DMBT1: variants seen among roughly 807,000 people sequenced by gnomAD.
The protein encoded by DMBT1 is scavenger receptor cysteine-rich domain-containing protein DMBT1.
DMBT1 carries 198 observed loss-of-function variants against 252.9 expected under a neutral mutation model. That is an observed-to-expected ratio of 0.78 (90% CI 0.70 to 0.88). DMBT1 has a LOEUF of 0.88. DMBT1 is among the 40% of genes least tolerant of loss of function. The pLI is 0.00. For missense variants in DMBT1, 2,432 were observed against 2,404.7 expected, an observed-to-expected ratio of 1.01 and a Z score of -0.24; for synonymous variants, 990 against 942.7, an observed-to-expected ratio of 1.05 and a Z score of -0.92.
At chr10:122,631,578 G>A (rs1399905878) in intron 49 of DMBT1, among the ~76,000 whole-genome samples, 3 of 152,188 alleles carry the variant, frequency 2.0e-5, no homozygotes, top group Non-Finnish European at 2.9e-5. Context: ...ACTTGCTACT[G>A]GTGACAATTG....
chr10:122,578,779 C>G lies in DMBT1; in HGVS notation c.679+20C>G. The G allele has an allele frequency of 6.3e-7, 1 of 1,595,082 alleles. No individual in the cohort carries two copies. Among genetic ancestry groups the G allele is most frequent in the African/African-American group, 1.3e-5 (1 of 74,744 alleles). On this transcript the variant is annotated intron_variant, in intron 9 of 55. Coordinates refer to ENST00000338354, the MANE Select transcript of DMBT1 (RefSeq NM_001377530.1). ...CAGAAGGTAAAGAATCCTCTCAACA[C>G]TCCCTGGGGCTCACTTTCTACCTCT...
intron 2 of DMBT1, among the ~76,000 whole-genome samples, chr10:122,566,728 A>T (rs115186030): frequency 0.036 from 5,474 of 152,294 alleles, 336 homozygotes; most frequent in African/African-American, 0.12. Context: ...ATATATTTTT[A>T]AAAAATACTT....
In DMBT1 at chr10:122,572,350, C is replaced by T; in HGVS notation, c.224C>T (p.Thr75Ile). Residue 75 changes from threonine (T) to isoleucine (I), a missense_variant, in exon 5 of 56, where the codon ACC becomes ATC. By Grantham distance (89) the Thr-to-Ile change is moderately conservative. Transcript: ENST00000338354. ...PISLESTLES[T>I]VAEGSLIPSE... is the part of the protein sequence containing the mutation. Reference sequence around the variant, plus strand: ...TCCTTGGAGTCAACCCTGGAGTCAACCGTAGCAGAAGGTAACGTCTACTAT... The same window carrying T: ...TCCTTGGAGTCAACCCTGGAGTCAATCGTAGCAGAAGGTAACGTCTACTAT... The T allele has an allele frequency of 6.2e-7, 1 of 1,613,058 alleles. No homozygotes were observed. The highest frequency in any genetic ancestry group is 8.5e-7 in the Non-Finnish European group (1 of 1,179,140).
chr10:122,631,893 C>G lies in DMBT1; in HGVS notation c.6367+18C>G. On this transcript the variant is annotated intron_variant, in intron 50 of 55. Transcript: ENST00000338354. ...GACACCTGGTAAGTCCCTCCGATTT[C>G]CATTCCACTTCCCTGGTCTCCAGGT... The G allele has an allele frequency of 3.1e-6, 5 of 1,613,462 alleles. No individual in the cohort carries two copies. Among genetic ancestry groups the G allele is most frequent in the Non-Finnish European group, 4.2e-6 (5 of 1,179,416 alleles).
chr10:122,633,548 G>A (rs1280226183), intron 52 of DMBT1, among the ~76,000 whole-genome samples: 5 of 152,206 alleles, frequency 3.3e-5, no homozygotes, highest in Non-Finnish European at 5.9e-5. Context: ...AGTTGGGGAG[G>A]GGGCACGAGA....
At position 122,634,095 on chromosome 10, in the gene DMBT1, G is replaced by A. The variant is rs7908191; in HGVS notation, c.6548+754G>A. On this transcript the variant is annotated intron_variant, in intron 52 of 55. Coordinates refer to ENST00000338354, the MANE Select transcript of DMBT1 (RefSeq NM_001377530.1). Reference sequence around the variant, plus strand: ...GAAGGTTGTGGTGAACTATGATAGCGCCAGTGCACTCCAGCTTGTGGAACA... The same window carrying A: ...GAAGGTTGTGGTGAACTATGATAGCACCAGTGCACTCCAGCTTGTGGAACA... 3.0e-3 allele frequency among the ~76,000 whole-genome samples: 456 copies of A among 152,278 alleles called. 3 individuals carry two copies. The highest frequency in any genetic ancestry group is 0.011 in the African/African-American group (446 of 41,556).
intron 17 of DMBT1, 146 bp from the exon 18 acceptor site, chr10:122,590,519 G>T (rs2133582521): frequency 9.8e-7 from 1 of 1,024,676 alleles, no homozygotes; most frequent in Admixed American, 1.8e-5. Flanking sequence ...GAGCATCTTT[G>T]TGGGGACGTG....
At chr10:122,600,759 T>C (rs1320540365) in intron 27 of DMBT1, among the ~76,000 whole-genome samples, 2 of 152,128 alleles carry the variant, frequency 1.3e-5, no homozygotes, top group Non-Finnish European at 2.9e-5. Context: ...CTCTAAGAGA[T>C]AGAAAGATAC....
rs766819018 is a variant in DMBT1, at chr10:122,586,044, T to A, written c.1460-16T>A. ...CATGATAGGGATGGATGAAGGGTTC[T>A]TGTTTTCCCCTGTAGGATCTGAATC... On this transcript the variant is annotated splice_polypyrimidine_tract_variant and intron_variant, in intron 15 of 55. Coordinates refer to ENST00000338354, the MANE Select transcript of DMBT1 (RefSeq NM_001377530.1). 1.3e-6 allele frequency: 2 copies of A among 1,588,260 alleles called. No homozygotes were observed. Among genetic ancestry groups the A allele is most frequent in the Admixed American group, 3.4e-5 (2 of 59,594 alleles).
chr10:122,566,624 A>G (rs1246431668), intron 2 of DMBT1, among the ~76,000 whole-genome samples: 1 of 152,036 alleles, frequency 6.6e-6, no homozygotes, highest in East Asian at 1.9e-4. Context: ...TTTTCTTTTC[A>G]CTAATAATGA....
intron 46 of DMBT1, among the ~76,000 whole-genome samples, chr10:122,627,191 C>G (rs1012357416): frequency 6.6e-6 from 1 of 152,152 alleles, no homozygotes; most frequent in Non-Finnish European, 1.5e-5. Context: ...CCATGTCTGC[C>G]TTTTTCATAA....
At chr10:122,572,276 GCTA>G in intron 4 of DMBT1, 35 bp from the exon 5 acceptor site, 3 of 1,612,244 alleles carry the variant, frequency 1.9e-6, no homozygotes, top group Non-Finnish European at 2.5e-6. Flanking sequence ...TCAAGCAAGG[GCTA>G]CCATCAATGA....
rs1241575624 is a variant in DMBT1 at position 122,634,484 on chromosome 10, CTCTCTT to C, written c.6548+1145_6548+1150del. Reference sequence around the variant, plus strand: ...TCTCTCTCTCTCTCTCTCTCTCTTTCTCTCTTTTTCTTTCTTTCTTTTTTTTTCCGG... The same window carrying C: ...TCTCTCTCTCTCTCTCTCTCTCTTTCTTTCTTTCTTTCTTTTTTTTTCCGG... On this transcript the variant is annotated intron_variant, in intron 52 of 55. Transcript: ENST00000338354. Among the ~76,000 whole-genome samples the C allele has an allele frequency of 2.5e-3, 222 of 88,352 alleles. 7 individuals carry two copies. The highest frequency in any genetic ancestry group is 0.014 in the African/African-American group (218 of 15,910). 58.0% of individuals were successfully genotyped at this position (88,352 alleles called of 152,430 possible). A position where few individuals can be genotyped will look rare whatever the true frequency, so the allele number is the denominator to read the frequency against.
At chr10:122,599,973 G>C in intron 26 of DMBT1, 91 bp from the exon 27 acceptor site, 1 of 1,527,476 alleles carries the variant, frequency 6.5e-7, no homozygotes, top group East Asian at 2.3e-5. Flanking sequence ...TGGACTGAGT[G>C]TCAGACTCGC....
Position 122,576,503 on chromosome 10 carries a change from A to T in DMBT1, c.388A>T (p.Ser130Cys), listed in dbSNP as rs199543705. 1.4e-5 allele frequency: 23 copies of T among 1,613,712 alleles called. 2 individuals carry two copies. Among genetic ancestry groups the T allele is most frequent in the African/African-American group, 1.3e-4 (10 of 74,934 alleles). The part of the protein sequence containing the change: ...RGSWGTVCDD[S>C]WDTNDANVVC... Reference sequence around the variant, plus strand: ...CTCCTGGGGCACCGTGTGTGATGACAGCTGGGACACCAATGATGCCAACGT... The same window carrying T: ...CTCCTGGGGCACCGTGTGTGATGACTGCTGGGACACCAATGATGCCAACGT... The change falls in exon 7 of 56, where the codon AGC becomes TGC. Residue 130 changes from serine (S) to cysteine (C), a missense_variant. Coordinates refer to ENST00000338354, the MANE Select transcript of DMBT1 (RefSeq NM_001377530.1).
intron 16 of DMBT1, among the ~76,000 whole-genome samples, chr10:122,586,807 A>C (rs968037824): frequency 2.0e-5 from 3 of 147,822 alleles, no homozygotes; most frequent in African/African-American, 7.3e-5. Context: ...GGCTGCTTGT[A>C]CTCCTGGCAG....
intron 54 of DMBT1, among the ~76,000 whole-genome samples, chr10:122,637,700 T>C (rs548117541): frequency 1.5e-4 from 23 of 152,270 alleles, no homozygotes; most frequent in Admixed American, 4.6e-4. Context: ...AAGAATGCAA[T>C]ATCTATGAAC....
intron 43 of DMBT1, 120 bp downstream of exon 43, chr10:122,620,411 GC>G: frequency 8.1e-7 from 1 of 1,233,872 alleles, no homozygotes; most frequent in Non-Finnish European, 1.2e-6. Context: ...TCCGCGAGTT[GC>G]CTGGGGAGGT....
Position 122,598,007 on chromosome 10 carries a change from C to T in DMBT1, c.2951C>T (p.Thr984Ile). The change falls in exon 25 of 56, where the codon ACA becomes ATA. Residue 984 changes from threonine to isoleucine, a missense_variant. Physicochemically the swap from Thr to Ile is moderately conservative, Grantham distance 89. Coordinates refer to ENST00000338354, the MANE Select transcript of DMBT1 (RefSeq NM_001377530.1). ...CCGACCATCACCTTGCCTGCATCGA[C>T]AGTAGGTAAATATTCCTCTCGCCCC... ...TLPTITLPAS[T>I]VGSESSLALR... 2 of 1,613,958 alleles carry T rather than the reference C, an allele frequency of 1.2e-6. No homozygotes were observed. Among genetic ancestry groups the T allele is most frequent in the Non-Finnish European group, 8.5e-7 (1 of 1,179,874 alleles).
Sources: gnomAD v4.1 joint callset for allele counts (sites outside exome capture counted in the v4.1 genomes callset) on GRCh38, gnomAD v4.1.1 for gene constraint, MANE v1.5 for transcripts, NCBI Gene and HGNC (gene_info 2026-07-23, HGNC 2026-07-21) for gene names.